MSRA: variants seen among roughly 807,000 people sequenced by gnomAD.
MSRA encodes the protein mitochondrial peptide methionine sulfoxide reductase.
MSRA carries 54 observed loss-of-function variants against 31.3 expected under a neutral mutation model. The ratio of observed to expected loss-of-function variants is 1.73; its 90% CI spans 1.39 to 2.17. The LOEUF is 2.17. MSRA is among the 30% of genes most tolerant of loss of function. The pLI, the probability that MSRA is intolerant of heterozygous loss-of-function variation, is 0.00. For missense variants in MSRA, 507 were observed against 300.9 expected, an observed-to-expected ratio of 1.69 and a Z score of -5.07; for synonymous variants, 169 against 116.5, an observed-to-expected ratio of 1.45 and a Z score of -2.90.
At chr8:10,221,303 A>AT (rs1337982458) in intron 2 of MSRA, among the ~76,000 whole-genome samples, 1 of 151,984 alleles carries the variant, frequency 6.6e-6, no homozygotes, top group Admixed American at 6.6e-5. Context: ...TTTTGTCCCC[A>AT]TTTTTTCTCC....
chr8:10,286,911 C>T (rs146095799), intron 3 of MSRA, among the ~76,000 whole-genome samples: 115 of 152,344 alleles, frequency 7.5e-4, no homozygotes, highest in African/African-American at 2.5e-3. Context: ...ATCTTTATAG[C>T]GTACCTTTTT....
intron 1 of MSRA, among the ~76,000 whole-genome samples, chr8:10,094,060 C>G (rs761497492): frequency 6.6e-6 from 1 of 152,156 alleles, no homozygotes; most frequent in Non-Finnish European, 1.5e-5. Flanking sequence ...TGGCTATTAA[C>G]AGGTTATTGG....
At chr8:10,394,961 T>C (rs928673627) in intron 5 of MSRA, among the ~76,000 whole-genome samples, 1 of 152,220 alleles carries the variant, frequency 6.6e-6, no homozygotes, top group Non-Finnish European at 1.5e-5. Context: ...GTTGATGATA[T>C]TGCCTTTGAC....
At chr8:10,143,849 T>A (rs1433293806) in intron 1 of MSRA, among the ~76,000 whole-genome samples, 2 of 152,192 alleles carry the variant, frequency 1.3e-5, no homozygotes, top group African/African-American at 4.8e-5. Context: ...CCTCAAACCT[T>A]ATTCTTATTC....
intron 5 of MSRA, among the ~76,000 whole-genome samples, chr8:10,339,834 C>G (rs1487175211): frequency 6.6e-6 from 1 of 152,098 alleles, no homozygotes; most frequent in African/African-American, 2.4e-5. Context: ...AGCCACCACG[C>G]CCGGCAGCAA....
chr8:10,247,610 A>G (rs1294391312), intron 3 of MSRA, among the ~76,000 whole-genome samples: 1 of 152,178 alleles, frequency 6.6e-6, no homozygotes, highest in African/African-American at 2.4e-5. Flanking sequence ...AAGTATGGAA[A>G]CCACAGAGAC....
At chr8:10,355,020 T>C (rs75077659) in intron 5 of MSRA, among the ~76,000 whole-genome samples, 6 of 152,334 alleles carry the variant, frequency 3.9e-5, no homozygotes, top group East Asian at 3.9e-4. Flanking sequence ...GTGCAAACTT[T>C]ATGGCTTTTG....
chr8:10,222,803 CAG>C (rs1389882484), intron 2 of MSRA, among the ~76,000 whole-genome samples: 1 of 152,190 alleles, frequency 6.6e-6, no homozygotes, highest in Admixed American at 6.5e-5. Flanking sequence ...CTCATCAAAG[CAG>C]AGAGTACAAT....
chr8:10,259,148 C>G (rs571802116), intron 3 of MSRA, among the ~76,000 whole-genome samples: 1 of 152,012 alleles, frequency 6.6e-6, no homozygotes, highest in Non-Finnish European at 1.5e-5. Flanking sequence ...CATCTGTTGC[C>G]TTTGACCTTG....
At chr8:10,367,692 A>G (rs1223130435) in intron 5 of MSRA, among the ~76,000 whole-genome samples, 3 of 152,214 alleles carry the variant, frequency 2.0e-5, no homozygotes, top group African/African-American at 7.2e-5. Context: ...GGAACTTGCA[A>G]GGGCTCCGAT....
chr8:10,343,533 A>G (rs1218234448), intron 5 of MSRA, among the ~76,000 whole-genome samples: 1 of 152,146 alleles, frequency 6.6e-6, no homozygotes, highest in African/African-American at 2.4e-5. Context: ...AGCACCGTCC[A>G]TTTGCAAACT....
At chr8:10,198,393 G>A (rs1174101349) in intron 1 of MSRA, among the ~76,000 whole-genome samples, 1 of 151,716 alleles carries the variant, frequency 6.6e-6, no homozygotes, top group African/African-American at 2.4e-5. Context: ...CAGGAAAAAA[G>A]TACTCATGGT....
intron 3 of MSRA, among the ~76,000 whole-genome samples, chr8:10,272,798 T>G (rs1799117649): frequency 1.3e-5 from 2 of 152,214 alleles, no homozygotes. Flanking sequence ...TTTTGTCACA[T>G]TCATCTTTCA....
chr8:10,097,243 TTTAA>T (rs1799220273), intron 1 of MSRA, among the ~76,000 whole-genome samples: 1 of 152,228 alleles, frequency 6.6e-6, no homozygotes, highest in South Asian at 2.1e-4. Flanking sequence ...TCTTCAACTT[TTTAA>T]TTAATCAACA....
intron 2 of MSRA, among the ~76,000 whole-genome samples, chr8:10,212,320 G>A (rs1479529796): frequency 6.6e-6 from 1 of 152,144 alleles, no homozygotes; most frequent in Non-Finnish European, 1.5e-5. Context: ...AAACCTGGAG[G>A]GTTTTAGGCA....
chr8:10,417,419 G>GACACACACACACACACACACACACACAC (rs1184991397), intron 5 of MSRA, among the ~76,000 whole-genome samples: 22 of 145,378 alleles, frequency 1.5e-4, no homozygotes, highest in African/African-American at 5.4e-4. Flanking sequence ...TTCGTCAGAA[G>GACACACACACACACACACACACACACAC]ACACACACAC....
chr8:10,423,106 G>A (rs940096795), intron 5 of MSRA, among the ~76,000 whole-genome samples: 21 of 152,250 alleles, frequency 1.4e-4, no homozygotes, highest in African/African-American at 4.8e-4. Flanking sequence ...CGGCAGTCAC[G>A]AATGGTCAGC....
At chr8:10,151,200 C>T (rs939173616) in intron 1 of MSRA, among the ~76,000 whole-genome samples, 13 of 144,446 alleles carry the variant, frequency 9.0e-5, no homozygotes, top group Admixed American at 3.6e-4. Flanking sequence ...CCTGGGGAGG[C>T]GCAGTGAGCC....
intron 1 of MSRA, among the ~76,000 whole-genome samples, chr8:10,160,464 T>C (rs779187208): frequency 5.1e-4 from 77 of 151,216 alleles, no homozygotes; most frequent in Non-Finnish European, 9.3e-4. Context: ...CACCGCACTC[T>C]AGCCTGGGCA....
Sources: allele counts gnomAD v4.1 joint callset (sites outside exome capture counted in the v4.1 genomes callset), GRCh38; gene constraint gnomAD v4.1.1; transcripts MANE v1.5; gene names NCBI Gene and HGNC (gene_info 2026-07-23, HGNC 2026-07-21).